The following CDK5RAP2 variants were observed in gnomAD, a reference collection of about 807,000 sequenced individuals.
CDK5RAP2 encodes the protein CDK5 regulatory subunit-associated protein 2.
In CDK5RAP2, 147 loss-of-function variants were observed where a neutral mutation model predicts 232.9. The observed-to-expected ratio is 0.63, with a 90% CI of 0.55 to 0.72. The LOEUF (loss-of-function observed/expected upper bound fraction) is 0.72, where lower values mean the gene tolerates loss of function less well. Among genes scored for constraint, CDK5RAP2 ranks in the 30% least tolerant of loss-of-function variants. The probability of loss-of-function intolerance (pLI) is 0.00; values close to 1 mark genes in which losing one functional copy is unlikely to be tolerated. For synonymous variants in CDK5RAP2, 833 were observed against 833.7 expected (o/e 1.00, Z 0.01); for missense variants, 2,195 against 2,231.5 (o/e 0.98, Z 0.33).
At chr9:120,474,606 G>A (rs1047962101) in intron 15 of CDK5RAP2, among the ~76,000 whole-genome samples, 4 of 152,232 alleles carry the variant, frequency 2.6e-5, no homozygotes, top group African/African-American at 7.2e-5. Flanking sequence ...TGGGAGCCAA[G>A]ACGACCTAAG....
Position 120,491,404 on chromosome 9 carries a change from T to C in CDK5RAP2, c.1385A>G (p.Lys462Arg). 6.2e-7 allele frequency: 1 copy of C among 1,612,384 alleles called. No individual in the cohort carries two copies. Among genetic ancestry groups the C allele is most frequent in the Non-Finnish European group, 8.5e-7 (1 of 1,178,860 alleles). Reference sequence around the variant, plus strand: ...TTTATTGCTTTCACTCAGAAGACTCTTGTAACGATTTTCCATTGCTTTCTC... The same window carrying C: ...TTTATTGCTTTCACTCAGAAGACTCCTGTAACGATTTTCCATTGCTTTCTC... ...EREKAMENRYKSLLSESNKKL... is the reference protein window; with the variant it reads ...EREKAMENRYRSLLSESNKKL... Residue 462 changes from lysine (K) to arginine (R), a missense_variant, in exon 13 of 38, where the codon AAG (lysine) becomes AGG (arginine). Physicochemically the swap from Lys to Arg is conservative, Grantham distance 26 (BLOSUM62 2). Coordinates refer to ENST00000349780, the MANE Select transcript of CDK5RAP2 (RefSeq NM_018249.6).
At chr9:120,549,933 A>G (rs1032432802) in intron 4 of CDK5RAP2, among the ~76,000 whole-genome samples, 1 of 152,214 alleles carries the variant, frequency 6.6e-6, no homozygotes, top group Non-Finnish European at 1.5e-5. Context: ...CCTCTTCAAG[A>G]CAAGTCAATT....
At chr9:120,476,678 CAA>C (rs553428055) in intron 15 of CDK5RAP2, among the ~76,000 whole-genome samples, 40 of 85,638 alleles carry the variant, frequency 4.7e-4, no homozygotes, top group Admixed American at 4.0e-4. Flanking sequence ...GACTCCATCT[CAA>C]AAAAAAAAAA....
chr9:120,542,225 C>A (rs907638536), intron 5 of CDK5RAP2, among the ~76,000 whole-genome samples: 1 of 152,192 alleles, frequency 6.6e-6, no homozygotes, highest in African/African-American at 2.4e-5. Flanking sequence ...AAAGCACGGC[C>A]AGGCATGGTG....
rs1235540099 is a variant in CDK5RAP2 at position 120,525,011 on chromosome 9, T to C, written c.1067A>G (p.Gln356Arg). Residue 356 changes from glutamine to arginine, a missense_variant, in exon 11 of 38, where the codon CAG (glutamine) becomes CGG (arginine). Transcript: ENST00000349780. ...CTGAAATTCCTGGGTCTGTGCTTTC[T>C]GTAGGGCCTCTCTGGCTTTAGCAAA... ...AAFAKAREALQKAQTQEFQGS... is the reference protein window; with the variant it reads ...AAFAKAREALRKAQTQEFQGS... 4 of 1,614,050 alleles carry C rather than the reference T, an allele frequency of 2.5e-6. No individual in the cohort carries two copies. The highest frequency in any genetic ancestry group is 1.7e-5 in the Admixed American group (1 of 60,024).
intron 20 of CDK5RAP2, among the ~76,000 whole-genome samples, chr9:120,454,076 C>T (rs1453731363): frequency 2.6e-5 from 4 of 152,188 alleles, no homozygotes; most frequent in Admixed American, 1.3e-4. Flanking sequence ...GCAGGTACTA[C>T]CATGTCATTT....
Position 120,512,747 on chromosome 9 carries a change from G to A in CDK5RAP2, c.1311+5680C>T, listed in dbSNP as rs561024349. ...ACATATATATCACCTTCTATGTAAC[G>A]ACGGCTGAGCAGTGTAAATTCTGAG... On this transcript the variant is annotated intron_variant, in intron 12 of 37. Transcript: ENST00000349780. 3.9e-5 allele frequency among the ~76,000 whole-genome samples: 6 copies of A among 152,274 alleles called. No homozygotes were observed. In the East Asian group the frequency reaches 7.7e-4, roughly 20 times the overall value.
chr9:120,493,345 C>A (rs1259335485), intron 12 of CDK5RAP2, among the ~76,000 whole-genome samples: 4 of 152,228 alleles, frequency 2.6e-5, no homozygotes, highest in East Asian at 1.9e-4. Context: ...AATAATACAG[C>A]CACCATTGGA....
rs1436356802 is a variant in CDK5RAP2 at position 120,402,911 on chromosome 9, A to G, written c.5202T>C (p.Tyr1734=). Residue 1734 remains tyrosine (Y), a synonymous_variant, in exon 34 of 38, where the codon TAT becomes TAC. Transcript: ENST00000349780. ...GGCTGATCTGTTTGAGCAGGGCCTCATAGTCCTCAATCAGGCCCAGGACAT... is the reference window on the plus strand; with the variant it reads ...GGCTGATCTGTTTGAGCAGGGCCTCGTAGTCCTCAATCAGGCCCAGGACAT... The part of the protein sequence containing the change: ...GRHVLGLIED[Y]EALLKQISQG... 1.2e-6 allele frequency: 2 copies of G among 1,614,044 alleles called. No individual in the cohort carries two copies. Among genetic ancestry groups the G allele is most frequent in the African/African-American group, 2.7e-5 (2 of 74,930 alleles).
At chr9:120,421,793 T>C (rs1047502186) in intron 26 of CDK5RAP2, among the ~76,000 whole-genome samples, 9 of 152,328 alleles carry the variant, frequency 5.9e-5, no homozygotes, top group Admixed American at 5.9e-4. Context: ...ATTCAAGACA[T>C]AGGCTTTGCC....
rs1454950178 is a variant in CDK5RAP2 at position 120,578,028 on chromosome 9, G to A, written c.59+1892C>T. Reference sequence around the variant, plus strand: ...CTCACGCCTGTAATCCCAGAACTTTGGGAGGCCAAGGAGAGCAGATCATGA... The same window carrying A: ...CTCACGCCTGTAATCCCAGAACTTTAGGAGGCCAAGGAGAGCAGATCATGA... On this transcript the variant is annotated intron_variant, in intron 1 of 37. Coordinates refer to ENST00000349780, the MANE Select transcript of CDK5RAP2 (RefSeq NM_018249.6). 2.6e-5 allele frequency among the ~76,000 whole-genome samples: 4 copies of A among 152,190 alleles called. No homozygotes were observed. In the East Asian group the frequency reaches 7.7e-4, roughly 29 times the overall value.
At chr9:120,503,662 G>T (rs1368030819) in intron 12 of CDK5RAP2, among the ~76,000 whole-genome samples, 1 of 152,104 alleles carries the variant, frequency 6.6e-6, no homozygotes, top group African/African-American at 2.4e-5. Flanking sequence ...TTCCTTTCCG[G>T]TAAATGAAGA....
chr9:120,467,102 G>A (rs575243086), intron 18 of CDK5RAP2, among the ~76,000 whole-genome samples: 1 of 152,350 alleles, frequency 6.6e-6, no homozygotes, highest in East Asian at 1.9e-4. Flanking sequence ...CCATTGTGCA[G>A]CCCAGGTCCC....
At chr9:120,545,896 G>T in intron 4 of CDK5RAP2, 106 bp from the exon 5 acceptor site, 1 of 864,256 alleles carries the variant, frequency 1.2e-6, no homozygotes, top group Non-Finnish European at 1.9e-6. Flanking sequence ...CAGGATGCTT[G>T]TAATAGGCAG....
intron 17 of CDK5RAP2, 150 bp downstream of exon 17, chr9:120,469,961 G>C (rs567178645): frequency 3.5e-6 from 2 of 578,680 alleles, no homozygotes; most frequent in South Asian, 4.0e-5. Flanking sequence ...TCCAGTTAAC[G>C]GACACAGGAG....
intron 13 of CDK5RAP2, among the ~76,000 whole-genome samples, chr9:120,491,078 C>T (rs924536512): frequency 6.6e-6 from 1 of 152,186 alleles, no homozygotes; most frequent in Admixed American, 6.5e-5. Context: ...CCAGGCTCTG[C>T]TATTTAGTCG....
At position 120,525,023 on chromosome 9, in the gene CDK5RAP2, C is replaced by G. The variant is rs1325927924; in HGVS notation, c.1055G>C (p.Arg352Thr). ...EKLSAAFAKA[R>T]EALQKAQTQE... The stretch of plus-strand genomic sequence containing the variant: ...GGTCTGTGCTTTCTGTAGGGCCTCT[C>G]TGGCTTTAGCAAAGGCAGCACTGAG... The change falls in exon 11 of 38, where the codon AGA (arginine) becomes ACA (threonine). Residue 352 changes from arginine (R) to threonine (T), a missense_variant. Arg to Thr is a moderately conservative substitution (Grantham distance 71). Coordinates refer to ENST00000349780, the MANE Select transcript of CDK5RAP2 (RefSeq NM_018249.6). 1.2e-6 allele frequency: 2 copies of G among 1,613,996 alleles called. No homozygotes were observed. The highest frequency in any genetic ancestry group is 2.7e-5 in the African/African-American group (2 of 74,934).
Position 120,467,579 on chromosome 9 carries a change from T to G in CDK5RAP2, c.2106+281A>C, listed in dbSNP as rs1396939317. Among the ~76,000 whole-genome samples the G allele has an allele frequency of 2.0e-5, 3 of 152,208 alleles. No individual in the cohort carries two copies. The East Asian group carries it at 5.8e-4, about 29-fold the overall frequency. ...CATACATATATATAAATATATGGTT[T>G]GTATACATACATACATATATATAAA... On this transcript the variant is annotated intron_variant, in intron 18 of 37. Transcript: ENST00000349780.
chr9:120,449,825 T>G (rs769312682), intron 21 of CDK5RAP2, among the ~76,000 whole-genome samples: 16 of 152,206 alleles, frequency 1.1e-4, no homozygotes, highest in Non-Finnish European at 1.9e-4. Context: ...AAAATACCAC[T>G]ACTTCATACC....
Sources: allele counts gnomAD v4.1 joint callset (sites outside exome capture counted in the v4.1 genomes callset), GRCh38; gene constraint gnomAD v4.1.1; transcripts MANE v1.5; gene names NCBI Gene and HGNC (gene_info 2026-07-23, HGNC 2026-07-21).